CDKAL1: variants seen among roughly 807,000 people sequenced by gnomAD.
CDKAL1 encodes the protein CDKAL1 threonylcarbamoyladenosine tRNA methylthiotransferase, also known as threonylcarbamoyladenosine tRNA methylthiotransferase.
In CDKAL1, 32 loss-of-function variants were observed where a neutral mutation model predicts 68.2. The ratio of observed to expected loss-of-function variants is 0.47; its 90% CI spans 0.35 to 0.63. The LOEUF (loss-of-function observed/expected upper bound fraction) is 0.63. Ranked by LOEUF, CDKAL1 falls within the 30% of genes least tolerant of loss-of-function variation. The pLI is 0.00. For synonymous variants in CDKAL1, 234 were observed against 244.3 expected (o/e 0.96, Z 0.39); for missense variants, 606 against 696.7 (o/e 0.87, Z 1.47).
chr6:20,727,208 T>C (rs573929990), intron 5 of CDKAL1, among the ~76,000 whole-genome samples: 1 of 152,268 alleles, frequency 6.6e-6, no homozygotes, highest in Admixed American at 6.5e-5. Context: ...GGGTCTGTCT[T>C]AGTTGATTAA....
chr6:20,546,831 G>T (rs1204866637), intron 3 of CDKAL1, among the ~76,000 whole-genome samples: 1 of 152,126 alleles, frequency 6.6e-6, no homozygotes, highest in East Asian at 1.9e-4. Context: ...TGGGATTACT[G>T]GCCTGAGCCA....
At chr6:20,736,579 G>T (rs1297064481) in intron 5 of CDKAL1, among the ~76,000 whole-genome samples, 1 of 152,044 alleles carries the variant, frequency 6.6e-6, no homozygotes, top group South Asian at 2.1e-4. Context: ...GACCATCCTG[G>T]CTAACACGGT....
intron 7 of CDKAL1, among the ~76,000 whole-genome samples, chr6:20,761,823 T>C (rs751308648): frequency 1.5e-4 from 23 of 152,172 alleles, no homozygotes; most frequent in Non-Finnish European, 2.9e-4. Flanking sequence ...TTCTATTCTG[T>C]ATGATGCTGT....
Position 21,171,387 on chromosome 6 carries a change from ATT to A in CDKAL1, c.1300-26628_1300-26627del, listed in dbSNP as rs749838886. 2.6e-5 allele frequency among the ~76,000 whole-genome samples: 4 copies of A among 151,806 alleles called. No individual in the cohort carries two copies. The South Asian group carries it at 6.3e-4, about 24-fold the overall frequency. ...ACCACCACACCTGGCTAATTTTTGT[ATT>A]TTTTTAGTAGAGATGGGGTTCACCA... On this transcript the variant is annotated intron_variant, in intron 13 of 15. Coordinates refer to ENST00000274695, the MANE Select transcript of CDKAL1 (RefSeq NM_017774.3).
chr6:21,180,057 A>G (rs1434747086), intron 13 of CDKAL1, among the ~76,000 whole-genome samples: 1 of 152,088 alleles, frequency 6.6e-6, no homozygotes, highest in African/African-American at 2.4e-5. Context: ...ACCATTATAA[A>G]CTATGTGATT....
At chr6:20,917,311 T>G (rs2150639675) in intron 9 of CDKAL1, among the ~76,000 whole-genome samples, 1 of 152,248 alleles carries the variant, frequency 6.6e-6, no homozygotes, top group South Asian at 2.1e-4. Flanking sequence ...TTTGGTATAC[T>G]TTAGTCCTAG....
chr6:20,826,269 A>G (rs1322956611), intron 8 of CDKAL1, among the ~76,000 whole-genome samples: 1 of 152,180 alleles, frequency 6.6e-6, no homozygotes, highest in Non-Finnish European at 1.5e-5. Context: ...AAATACAGTC[A>G]GTGTCACAAA....
chr6:20,990,740 A>C (rs2150795747), intron 10 of CDKAL1, among the ~76,000 whole-genome samples: 1 of 152,364 alleles, frequency 6.6e-6, no homozygotes. Context: ...CAGTGCCATT[A>C]ATGAAGTAAT....
At chr6:20,850,759 G>A (rs1248172721) in intron 9 of CDKAL1, among the ~76,000 whole-genome samples, 5 of 152,016 alleles carry the variant, frequency 3.3e-5, no homozygotes, top group Non-Finnish European at 7.4e-5. Flanking sequence ...TTTATTTCTT[G>A]TTAGTCTAAT....
chr6:20,852,300 G>C (rs1759059092), intron 9 of CDKAL1, among the ~76,000 whole-genome samples: 1 of 152,128 alleles, frequency 6.6e-6, no homozygotes, highest in Admixed American at 6.5e-5. Flanking sequence ...GTATGTAAAA[G>C]AAAGTATACA....
chr6:20,662,125 T>C (rs1484625787), intron 5 of CDKAL1, among the ~76,000 whole-genome samples: 1 of 152,166 alleles, frequency 6.6e-6, no homozygotes, highest in Admixed American at 6.6e-5. Flanking sequence ...TATTGTTTGC[T>C]CTAAGAGTGA....
At chr6:21,155,144 G>C (rs1256566368) in intron 13 of CDKAL1, among the ~76,000 whole-genome samples, 2 of 152,114 alleles carry the variant, frequency 1.3e-5, no homozygotes, top group African/African-American at 4.8e-5. Flanking sequence ...TAGAAACTCA[G>C]TTGTAAAAAA....
At chr6:20,634,537 A>G (rs182143871) in intron 4 of CDKAL1, among the ~76,000 whole-genome samples, 3 of 152,360 alleles carry the variant, frequency 2.0e-5, no homozygotes, top group Admixed American at 1.3e-4. Flanking sequence ...GATTATTGCA[A>G]TGGTCCAGGT....
chr6:20,735,199 T>C (rs984410952), intron 5 of CDKAL1, among the ~76,000 whole-genome samples: 1 of 152,140 alleles, frequency 6.6e-6, no homozygotes, highest in Non-Finnish European at 1.5e-5. Context: ...TAATTTCAAC[T>C]TTTATTTTAG....
At chr6:20,619,723 A>G (rs758361486) in intron 4 of CDKAL1, among the ~76,000 whole-genome samples, 1 of 152,194 alleles carries the variant, frequency 6.6e-6, no homozygotes, top group Non-Finnish European at 1.5e-5. Context: ...AACCTGCTGA[A>G]TCTCATACAT....
At chr6:20,763,587 C>T (rs1206283423) in intron 7 of CDKAL1, among the ~76,000 whole-genome samples, 1 of 152,144 alleles carries the variant, frequency 6.6e-6, no homozygotes, top group East Asian at 1.9e-4. Flanking sequence ...CACATTTGAT[C>T]CCTGTTGGGC....
intron 5 of CDKAL1, among the ~76,000 whole-genome samples, chr6:20,677,188 A>C (rs1770155309): frequency 6.6e-6 from 1 of 151,820 alleles, no homozygotes; most frequent in African/African-American, 2.4e-5. Context: ...CTCCTGCCTC[A>C]GCCTCCCTAG....
chr6:20,540,515 G>T (rs1763349726), intron 2 of CDKAL1, among the ~76,000 whole-genome samples: 1 of 151,878 alleles, frequency 6.6e-6, no homozygotes. Context: ...GAGTGCAGTG[G>T]TGCAATCTCA....
intron 10 of CDKAL1, among the ~76,000 whole-genome samples, chr6:20,965,589 A>G (rs1359028940): frequency 6.6e-6 from 1 of 152,214 alleles, no homozygotes; most frequent in African/African-American, 2.4e-5. Flanking sequence ...ACATATTTCA[A>G]CTGACACACA....
Sources: allele counts gnomAD v4.1 joint callset (sites outside exome capture counted in the v4.1 genomes callset), GRCh38; gene constraint gnomAD v4.1.1; transcripts MANE v1.5; gene names NCBI Gene and HGNC (gene_info 2026-07-23, HGNC 2026-07-21).